The following SLC44A5 variants were observed in gnomAD, a reference collection of about 807,000 sequenced individuals.
SLC44A5 encodes solute carrier family 44 member 5.
Under a neutral mutation model 101.8 loss-of-function variants are expected in SLC44A5, and 57 were observed. The ratio of observed to expected loss-of-function variants is 0.56; its 90% confidence interval spans 0.45 to 0.70. The LOEUF (loss-of-function observed/expected upper bound fraction) is 0.70, where lower values mean the gene tolerates loss of function less well. SLC44A5 is among the 30% of genes least tolerant of loss of function. The probability of loss-of-function intolerance (pLI) is 0.00; values close to 1 mark genes in which losing one functional copy is unlikely to be tolerated. For synonymous variants in SLC44A5, 281 were observed against 290.9 expected (o/e 0.97, Z 0.35); for missense variants, 737 against 853.1 (o/e 0.86, Z 1.70).
chr1:75,395,736 A>G (rs939712710), intron 3 of SLC44A5, among the ~76,000 whole-genome samples: 1 of 152,152 alleles, frequency 6.6e-6, no homozygotes, highest in Non-Finnish European at 1.5e-5. Context: ...ACATTGTAGA[A>G]AGATTAAGTT....
chr1:75,254,124 T>C (rs538519415), intron 6 of SLC44A5, among the ~76,000 whole-genome samples: 3 of 151,964 alleles, frequency 2.0e-5, no homozygotes, highest in Non-Finnish European at 4.4e-5. Context: ...CTGCGACCTC[T>C]GCCTCCAGGG....
At chr1:75,353,549 T>A (rs1557694033) in intron 3 of SLC44A5, among the ~76,000 whole-genome samples, 1 of 152,222 alleles carries the variant, frequency 6.6e-6, no homozygotes, top group South Asian at 2.1e-4. Context: ...GAACAAATAA[T>A]GAAATTTATC....
intron 5 of SLC44A5, among the ~76,000 whole-genome samples, chr1:75,288,919 A>C (rs1358057214): frequency 6.6e-6 from 1 of 152,206 alleles, no homozygotes; most frequent in Admixed American, 6.5e-5. Flanking sequence ...CTTATTCCAC[A>C]GGATGCCACA....
chr1:75,632,348 T>C, the SLC44A5 span, among the ~76,000 whole-genome samples: 1 of 151,922 alleles, frequency 6.6e-6, no homozygotes, highest in East Asian at 1.9e-4. Flanking sequence ...AAAAAAATCA[T>C]CTCAGCTATA....
At chr1:75,515,892 T>TC (rs900422496) in intron 2 of SLC44A5, among the ~76,000 whole-genome samples, 1 of 152,024 alleles carries the variant, frequency 6.6e-6, no homozygotes, top group African/African-American at 2.4e-5. Context: ...TTTTTTTTTT[T>TC]CCCCATCCTT....
chr1:75,665,262 G>A, the SLC44A5 span, among the ~76,000 whole-genome samples: 1 of 152,094 alleles, frequency 6.6e-6, no homozygotes, highest in Admixed American at 6.5e-5. Context: ...CAGACACATA[G>A]GCCAATTGAA....
the SLC44A5 span, among the ~76,000 whole-genome samples, chr1:75,676,581 C>T: frequency 5.3e-5 from 8 of 152,124 alleles, no homozygotes; most frequent in Admixed American, 3.3e-4. Flanking sequence ...GGAAAAATAG[C>T]TAATGCATAC....
At chr1:75,714,088 G>A in the SLC44A5 span, among the ~76,000 whole-genome samples, 4 of 151,712 alleles carry the variant, frequency 2.6e-5, no homozygotes, top group South Asian at 2.1e-4. Flanking sequence ...ATAGGTGTGA[G>A]ACACTGTTCT....
intron 12 of SLC44A5, among the ~76,000 whole-genome samples, chr1:75,230,253 CT>C (rs5775278): frequency 0.51 from 74,399 of 146,704 alleles, 20,151 homozygotes; most frequent in East Asian, 0.91. Flanking sequence ...AATGAATTCA[CT>C]TTTTTTTTTT....
intron 2 of SLC44A5, among the ~76,000 whole-genome samples, chr1:75,457,856 CAAA>C: frequency 8.0e-6 from 1 of 124,342 alleles, no homozygotes; most frequent in African/African-American, 3.0e-5. Context: ...GACTCCATCT[CAAA>C]AAAAAAAAAA....
intron 12 of SLC44A5, among the ~76,000 whole-genome samples, chr1:75,228,442 C>T (rs1647281251): frequency 6.6e-6 from 1 of 152,038 alleles, no homozygotes. Context: ...TGTTTCCTTA[C>T]ATGTTGTATA....
intron 2 of SLC44A5, among the ~76,000 whole-genome samples, chr1:75,444,508 A>AAG (rs1665427869): frequency 1.3e-5 from 2 of 148,954 alleles, no homozygotes; most frequent in African/African-American, 2.5e-5. Flanking sequence ...GAAAGAAAGA[A>AAG]AAAGAAAAGA....
At chr1:75,352,915 T>TAC (rs773016333) in intron 3 of SLC44A5, among the ~76,000 whole-genome samples, 2 of 152,214 alleles carry the variant, frequency 1.3e-5, no homozygotes, top group Non-Finnish European at 2.9e-5. Flanking sequence ...ACTAAACAGT[T>TAC]ACTTCTTTGC....
intron 17 of SLC44A5, 132 bp downstream of exon 17, chr1:75,218,358 G>T (rs1278057277): frequency 2.5e-6 from 3 of 1,219,528 alleles, no homozygotes; most frequent in African/African-American, 1.5e-5. Context: ...AAACCAATGG[G>T]CATCCATGAA....
chr1:75,714,696 A>G, the SLC44A5 span, among the ~76,000 whole-genome samples: 2 of 151,510 alleles, frequency 1.3e-5, no homozygotes, highest in Admixed American at 6.5e-5. Flanking sequence ...CTTTTTTTTG[A>G]GACGGAGTCT....
In SLC44A5 at chr1:75,259,786, TC is replaced by T. The variant is rs1396094940; in HGVS notation, c.261-8493del. On this transcript the variant is annotated intron_variant, in intron 6 of 23. Transcript: ENST00000370859. Reference sequence around the variant, plus strand: ...TATTAAGGGCAGCCAGAGAGAAAGGTCAGGTTACCCACAACGGGAAGCCCAT... The same window carrying T: ...TATTAAGGGCAGCCAGAGAGAAAGGTAGGTTACCCACAACGGGAAGCCCAT... 2.0e-5 allele frequency among the ~76,000 whole-genome samples: 3 copies of T among 152,154 alleles called. No homozygotes were observed. In the East Asian group the frequency reaches 5.8e-4, roughly 29 times the overall value.
the SLC44A5 span, among the ~76,000 whole-genome samples, chr1:75,694,529 G>A: frequency 6.6e-6 from 1 of 151,988 alleles, no homozygotes; most frequent in Non-Finnish European, 1.5e-5. Context: ...GGTAACTCTT[G>A]AGCAAGAATA....
At chr1:75,398,271 T>C (rs1293722550) in intron 2 of SLC44A5, 1 of 380,530 alleles carries the variant, frequency 2.6e-6, no homozygotes, top group African/African-American at 2.2e-5. Context: ...TTAGCTTATA[T>C]AATAACAGTG....
chr1:75,252,422 T>G (rs1394000863), intron 6 of SLC44A5, among the ~76,000 whole-genome samples: 3 of 152,212 alleles, frequency 2.0e-5, no homozygotes, highest in Non-Finnish European at 2.9e-5. Flanking sequence ...CTTTAATCAC[T>G]TCTACCTGCT....
Sources: allele counts gnomAD v4.1 joint callset (sites outside exome capture counted in the v4.1 genomes callset), GRCh38; gene constraint gnomAD v4.1.1; transcripts MANE v1.5; gene names NCBI Gene and HGNC (gene_info 2026-07-23, HGNC 2026-07-21).